CDH12: variants seen among roughly 807,000 people sequenced by gnomAD.
The protein encoded by CDH12 is cadherin-12.
A neutral mutation model predicts 74.1 loss-of-function variants in CDH12; 41 were observed. That is an observed-to-expected ratio of 0.55 (90% confidence interval 0.43 to 0.72). The LOEUF is 0.72. Ranked by LOEUF, CDH12 falls within the 30% of genes least tolerant of loss-of-function variation. CDH12 has a pLI of 0.00. For synonymous variants in CDH12, 399 were observed against 355.0 expected, an observed-to-expected ratio of 1.12 and a Z score of -1.39; for missense variants, 945 against 977.2, an observed-to-expected ratio of 0.97 and a Z score of 0.44.
At chr5:21,878,846 G>A (rs1032088763) in intron 6 of CDH12, among the ~76,000 whole-genome samples, 27 of 131,182 alleles carry the variant, frequency 2.1e-4, no homozygotes, top group Non-Finnish European at 3.6e-4. Flanking sequence ...AGAAAGAGAG[G>A]GAGAGAGAGA....
chr5:22,740,508 T>C (rs1230464068), intron 1 of CDH12, among the ~76,000 whole-genome samples: 3 of 152,074 alleles, frequency 2.0e-5, no homozygotes, highest in Admixed American at 6.6e-5. Flanking sequence ...ACGGTAATGA[T>C]TGTTAAAAGT....
At chr5:22,691,655 C>A (rs1408763559) in intron 1 of CDH12, among the ~76,000 whole-genome samples, 1 of 152,148 alleles carries the variant, frequency 6.6e-6, no homozygotes, top group Non-Finnish European at 1.5e-5. Flanking sequence ...GCCTATAATG[C>A]CTCCAGTGGA....
In CDH12 at chr5:21,948,152, G is replaced by T. The variant is rs1755663972; in HGVS notation, c.526+26939C>A. Among the ~76,000 whole-genome samples, 2 of 152,244 alleles carry T rather than the reference G, an allele frequency of 1.3e-5. 1 individual carries two copies. The highest frequency in any genetic ancestry group is 2.9e-5 in the Non-Finnish European group (2 of 68,044). On this transcript the variant is annotated intron_variant, in intron 6 of 14. Transcript: ENST00000382254. ...TGCTAGGGTAGTGCAGAAGGGAAAT[G>T]TGGGGTTGGAGCTCCCACACAGAGT...
In CDH12 at chr5:22,010,430, C is replaced by A. The variant is rs192830894; in HGVS notation, c.232-35045G>T. Among the ~76,000 whole-genome samples, 908 of 152,270 alleles carry A rather than the reference C, an allele frequency of 6.0e-3. 5 individuals carry two copies. The highest frequency in any genetic ancestry group is 0.021 in the African/African-American group (870 of 41,566). On this transcript the variant is annotated intron_variant, in intron 5 of 14. Coordinates refer to ENST00000382254, the MANE Select transcript of CDH12 (RefSeq NM_004061.5). ...ACATGTGTCCCTGATGTAACCTGAG[C>A]AAACTTAGCAAGTCTTTTATTCTGG...
intron 6 of CDH12, among the ~76,000 whole-genome samples, chr5:21,949,874 T>C (rs1449094192): frequency 1.3e-5 from 2 of 152,204 alleles, no homozygotes; most frequent in Non-Finnish European, 2.9e-5. Context: ...ATAAGTTTAA[T>C]GTATTTTGAA....
Position 21,832,028 on chromosome 5 carries a change from T to C in CDH12, c.814+10133A>G, listed in dbSNP as rs148482642. On this transcript the variant is annotated intron_variant, in intron 8 of 14. Coordinates refer to ENST00000382254, the MANE Select transcript of CDH12 (RefSeq NM_004061.5). ...CCATGGCCTTTAACATTATTTTTTA[T>C]AACGTTGGTAAGATTAGGGGCAATA... 5.3e-5 allele frequency among the ~76,000 whole-genome samples: 8 copies of C among 152,260 alleles called. No homozygotes were observed. In the East Asian group the frequency reaches 1.5e-3, roughly 29 times the overall value.
At chr5:22,266,000 TA>T (rs1736084665) in intron 3 of CDH12, among the ~76,000 whole-genome samples, 1 of 152,012 alleles carries the variant, frequency 6.6e-6, no homozygotes, top group Non-Finnish European at 1.5e-5. Flanking sequence ...CATCTCCCAT[TA>T]AATATGTGTG....
At chr5:22,642,033 T>C (rs1279807942) in intron 1 of CDH12, among the ~76,000 whole-genome samples, 1 of 152,180 alleles carries the variant, frequency 6.6e-6, no homozygotes, top group African/African-American at 2.4e-5. Context: ...ATTTGCCAGG[T>C]AAATATTTAA....
chr5:22,774,786 C>T (rs944092091), intron 1 of CDH12, among the ~76,000 whole-genome samples: 1 of 151,914 alleles, frequency 6.6e-6, no homozygotes, highest in African/African-American at 2.4e-5. Flanking sequence ...CAGACTAATA[C>T]AACATGAACA....
chr5:22,246,010 T>C (rs886842368), intron 3 of CDH12, among the ~76,000 whole-genome samples: 5 of 152,130 alleles, frequency 3.3e-5, no homozygotes, highest in African/African-American at 1.2e-4. Context: ...AGTGGTGGCA[T>C]TATAATAGTG....
chr5:22,767,766 C>A (rs1746597534), intron 1 of CDH12, among the ~76,000 whole-genome samples: 1 of 151,722 alleles, frequency 6.6e-6, no homozygotes, highest in Non-Finnish European at 1.5e-5. Flanking sequence ...AAAAGCAGGG[C>A]AATGATAATC....
chr5:21,881,386 C>G (rs1179929772), intron 6 of CDH12, among the ~76,000 whole-genome samples: 1 of 152,162 alleles, frequency 6.6e-6, no homozygotes, highest in Non-Finnish European at 1.5e-5. Flanking sequence ...AAATGCAAAA[C>G]TAACATCTAG....
At position 21,887,545 on chromosome 5, in the gene CDH12, TG is replaced by T. The variant is rs368083071; in HGVS notation, c.527-32756del. Among the ~76,000 whole-genome samples the T allele has an allele frequency of 5.4e-3, 818 of 152,258 alleles. 7 individuals are homozygous for T. The highest frequency in any genetic ancestry group is 0.019 in the African/African-American group (786 of 41,550). On this transcript the variant is annotated intron_variant, in intron 6 of 14. Coordinates refer to ENST00000382254, the MANE Select transcript of CDH12 (RefSeq NM_004061.5). Reference sequence around the variant, plus strand: ...TGTCCCATTCTTCCTCTGGAGACACTGCGGATCCATAGCTTCCCTATTCTCC... The same window carrying T: ...TGTCCCATTCTTCCTCTGGAGACACTCGGATCCATAGCTTCCCTATTCTCC...
intron 3 of CDH12, among the ~76,000 whole-genome samples, chr5:22,226,038 C>G (rs1204250432): frequency 6.6e-6 from 1 of 151,978 alleles, no homozygotes; most frequent in East Asian, 1.9e-4. Context: ...AAAAAAGAAG[C>G]TAGACGCCCC....
intron 1 of CDH12, among the ~76,000 whole-genome samples, chr5:22,529,301 C>G (rs937353295): frequency 1.3e-5 from 2 of 151,368 alleles, no homozygotes; most frequent in African/African-American, 4.9e-5. Flanking sequence ...GATCTGCAAT[C>G]AGCTAGCTGG....
chr5:22,114,984 A>G (rs928579785), intron 4 of CDH12, among the ~76,000 whole-genome samples: 4 of 152,216 alleles, frequency 2.6e-5, no homozygotes, highest in Non-Finnish European at 5.9e-5. Flanking sequence ...ATCTCAGGAG[A>G]ACAATCTTGA....
intron 1 of CDH12, among the ~76,000 whole-genome samples, chr5:22,725,905 C>T (rs1744141739): frequency 6.6e-6 from 1 of 151,598 alleles, no homozygotes; most frequent in African/African-American, 2.4e-5. Flanking sequence ...ATCTTTTCCA[C>T]TTTTATTTTT....
At chr5:22,754,356 G>A (rs1745767899) in intron 1 of CDH12, among the ~76,000 whole-genome samples, 1 of 152,132 alleles carries the variant, frequency 6.6e-6, no homozygotes, top group African/African-American at 2.4e-5. Flanking sequence ...CACTGTCTTT[G>A]GCTTCACAGA....
chr5:22,418,887 A>AAAAT (rs1344744422), intron 2 of CDH12, among the ~76,000 whole-genome samples: 8 of 152,254 alleles, frequency 5.3e-5, no homozygotes, highest in South Asian at 4.1e-4. Context: ...TCAAAAAACA[A>AAAAT]AAATAAATAA....
Sources: gnomAD v4.1 joint callset for allele counts (sites outside exome capture counted in the v4.1 genomes callset) on GRCh38, gnomAD v4.1.1 for gene constraint, MANE v1.5 for transcripts, NCBI Gene and HGNC (gene_info 2026-07-23, HGNC 2026-07-21) for gene names.